Variants in PLEKHA8 observed in about 807,000 individuals in gnomAD.
PLEKHA8 encodes pleckstrin homology domain containing A8.
In PLEKHA8, 36 loss-of-function variants were observed where a neutral mutation model predicts 68.2. The ratio of observed to expected loss-of-function variants is 0.53; its 90% confidence interval spans 0.40 to 0.70. The LOEUF is 0.70. PLEKHA8 is among the 30% of genes least tolerant of loss of function. The pLI is 0.00. For missense variants in PLEKHA8, 505 were observed against 615.4 expected, an observed-to-expected ratio of 0.82 and a Z score of 1.90; for synonymous variants, 211 against 216.1, an observed-to-expected ratio of 0.98 and a Z score of 0.20.
At chr7:30,097,034 T>C (rs1254034777) in intron 13 of PLEKHA8, among the ~76,000 whole-genome samples, 2 of 152,304 alleles carry the variant, frequency 1.3e-5, no homozygotes, top group African/African-American at 4.8e-5. Context: ...GGTGACAAAA[T>C]CTCTCAGCAT....
intron 13 of PLEKHA8, among the ~76,000 whole-genome samples, chr7:30,111,249 C>G (rs941597949): frequency 6.6e-6 from 1 of 151,774 alleles, no homozygotes; most frequent in East Asian, 1.9e-4. Flanking sequence ...GATGCAAGTC[C>G]CTCTTCATGT....
intron 13 of PLEKHA8, 116 bp downstream of exon 13, chr7:30,074,248 G>A (rs1794464099): frequency 2.4e-5 from 11 of 463,988 alleles, no homozygotes; most frequent in Non-Finnish European, 3.8e-5. Context: ...AAACAAAGTT[G>A]TGTGTGTGTG....
intron 2 of PLEKHA8, among the ~76,000 whole-genome samples, 178 bp downstream of exon 2, chr7:30,045,379 A>T (rs1583794685): frequency 6.6e-6 from 1 of 152,338 alleles, no homozygotes. Context: ...GCCAGCTTTT[A>T]TGAGGAGATT....
intron 12 of PLEKHA8, among the ~76,000 whole-genome samples, chr7:30,063,862 G>A (rs1342397643): frequency 6.6e-6 from 1 of 152,186 alleles, no homozygotes; most frequent in Non-Finnish European, 1.5e-5. Context: ...TGCTTTGAAG[G>A]TCCACATTTC....
In PLEKHA8 at chr7:30,081,229, C is replaced by T. The variant is rs1794915074; in HGVS notation, c.*2442C>T. The T allele has an allele frequency of 1.0e-6, 1 of 985,312 alleles. No individual in the cohort carries two copies. Among genetic ancestry groups the T allele is most frequent in the Non-Finnish European group, 1.2e-6 (1 of 829,864 alleles). 61.0% of individuals were successfully genotyped at this position (985,312 alleles called of 1,614,324 possible). A position where few individuals can be genotyped will look rare whatever the true frequency, so the allele number is the denominator to read the frequency against. ...ACATTTTCCAATTACCCTTTTTCCA[C>T]ATCTGTAGAAAGAGGGTAATATTTT... is the stretch of plus-strand genomic sequence containing the variant. On this transcript the variant is annotated 3_prime_UTR_variant, in exon 14 of 14. Transcript: ENST00000449726.
Position 30,078,877 on chromosome 7 carries a change from C to T in PLEKHA8, c.*90C>T, listed in dbSNP as rs974866173. 7 of 1,485,736 alleles carry T rather than the reference C, an allele frequency of 4.7e-6. No individual in the cohort carries two copies. The highest frequency in any genetic ancestry group is 6.3e-6 in the Non-Finnish European group (7 of 1,118,772). 92.0% of individuals were successfully genotyped at this position (1,485,736 alleles called of 1,614,324 possible). On this transcript the variant is annotated 3_prime_UTR_variant, in exon 14 of 14. Transcript: ENST00000449726. Reference sequence around the variant, plus strand: ...AATTTCCAGCAACAGCCTCAACCCTCTCCAACCCCTTCACCTGGGGGGATG... The same window carrying T: ...AATTTCCAGCAACAGCCTCAACCCTTTCCAACCCCTTCACCTGGGGGGATG...
intron 13 of PLEKHA8, among the ~76,000 whole-genome samples, chr7:30,121,219 G>A (rs1420309805): frequency 1.3e-5 from 2 of 152,146 alleles, no homozygotes; most frequent in Non-Finnish European, 2.9e-5. Context: ...TCCATGGGAG[G>A]TTGGTCAGAA....
At position 30,084,004 on chromosome 7, in the gene PLEKHA8, G is replaced by C; in HGVS notation, c.*5217G>C. On this transcript the variant is annotated 3_prime_UTR_variant, in exon 14 of 14. Coordinates refer to ENST00000449726, the MANE Select transcript of PLEKHA8 (RefSeq NM_001197026.2). Reference sequence around the variant, plus strand: ...AGGCTATGAGCCAGTTCCATGGCATGTTTAATGTATAATTCCCATGTATCA... The same window carrying C: ...AGGCTATGAGCCAGTTCCATGGCATCTTTAATGTATAATTCCCATGTATCA... 2.0e-6 allele frequency: 2 copies of C among 985,418 alleles called. No individual in the cohort carries two copies. The highest frequency in any genetic ancestry group is 4.7e-5 in the South Asian group (1 of 21,292). The allele number at this position is 985,418 out of a possible 1,614,324, so 61.0% of individuals were successfully genotyped here.
At chr7:30,091,829 A>G (rs993966754), downstream of PLEKHA8, among the ~76,000 whole-genome samples, 11 of 152,208 alleles carry the variant, frequency 7.2e-5, no homozygotes, top group South Asian at 2.1e-4. Context: ...TGAAATGTCA[A>G]TCCTTTCTCT....
chr7:30,056,160 G>A (rs557832239), intron 9 of PLEKHA8, among the ~76,000 whole-genome samples: 19 of 150,422 alleles, frequency 1.3e-4, no homozygotes, highest in Admixed American at 3.3e-4. Context: ...TGCCAGGATA[G>A]TCTTGATCTC....
At chr7:30,086,667 C>CT (rs1343579149), downstream of PLEKHA8, among the ~76,000 whole-genome samples, 3 of 152,200 alleles carry the variant, frequency 2.0e-5, no homozygotes, top group Non-Finnish European at 2.9e-5. Flanking sequence ...TACCATCACT[C>CT]TATGATAACC....
downstream of PLEKHA8, among the ~76,000 whole-genome samples, chr7:30,085,712 G>C (rs1261169809): frequency 6.6e-6 from 1 of 152,206 alleles, no homozygotes; most frequent in Non-Finnish European, 1.5e-5. Flanking sequence ...AAGTCCGTTA[G>C]AATTGAGAGT....
rs542183011 is a variant in PLEKHA8, at chr7:30,080,570, T to G, written c.*1783T>G. 2.0e-6 allele frequency: 2 copies of G among 985,394 alleles called. No homozygotes were observed. The highest frequency in any genetic ancestry group is 3.5e-5 in the African/African-American group (2 of 57,338). The allele number at this position is 985,394 out of a possible 1,614,324, so 61.0% of individuals were successfully genotyped here. A position where few individuals can be genotyped will look rare whatever the true frequency, so the allele number is the denominator to read the frequency against. Reference sequence around the variant, plus strand: ...TGTCTTTAAACAAATGAACATTTATTTAGCTCAGATTAATTAGGTATTTTG... The same window carrying G: ...TGTCTTTAAACAAATGAACATTTATGTAGCTCAGATTAATTAGGTATTTTG... On this transcript the variant is annotated 3_prime_UTR_variant, in exon 14 of 14. Transcript: ENST00000449726.
At chr7:30,104,874 C>T (rs1796003241) in intron 13 of PLEKHA8, among the ~76,000 whole-genome samples, 1 of 151,824 alleles carries the variant, frequency 6.6e-6, no homozygotes, top group Non-Finnish European at 1.5e-5. Flanking sequence ...AGGTACATGC[C>T]ACCACACCCA....
intron 9 of PLEKHA8, among the ~76,000 whole-genome samples, chr7:30,055,554 CA>C (rs1792778454): frequency 6.6e-6 from 1 of 152,024 alleles, no homozygotes; most frequent in Admixed American, 6.5e-5. Context: ...ATATTGACCT[CA>C]AAATAATGTA....
At position 30,115,993 on chromosome 7, in the gene PLEKHA8, C is replaced by T. The variant is rs997497173; in HGVS notation, c.1363-13273C>T. The T allele has an allele frequency of 3.0e-5, 4 of 133,948 alleles. 1 individual carries two copies. The South Asian group carries it at 7.9e-4, about 26-fold the overall frequency. The allele number at this position is 133,948 out of a possible 1,614,324, so 8.3% of individuals were successfully genotyped here. The stretch of plus-strand genomic sequence containing the variant: ...ATGTGCATGCATGCATGTATGCATA[C>T]GCATACATACGCATACATACGCATA... On this transcript the variant is annotated intron_variant, in intron 13 of 13. Transcript: ENST00000396257.
At chr7:30,127,899 T>C (rs1441780523) in intron 13 of PLEKHA8, among the ~76,000 whole-genome samples, 1 of 152,226 alleles carries the variant, frequency 6.6e-6, no homozygotes, top group Non-Finnish European at 1.5e-5. Flanking sequence ...GGTTCCCTTA[T>C]GAGTTAATTA....
Position 30,080,713 on chromosome 7 carries a change from G to C in PLEKHA8, c.*1926G>C. 4.1e-6 allele frequency: 4 copies of C among 983,382 alleles called. No individual in the cohort carries two copies. Among genetic ancestry groups the C allele is most frequent in the Non-Finnish European group, 4.8e-6 (4 of 828,206 alleles). 60.9% of individuals were successfully genotyped at this position (983,382 alleles called of 1,614,324 possible). A position where few individuals can be genotyped will look rare whatever the true frequency, so the allele number is the denominator to read the frequency against. Reference sequence around the variant, plus strand: ...TGTTGATTATTTTGTATTTTGCCAAGGTGTGTGTGTGTTATTTCCCTCCCA... The same window carrying C: ...TGTTGATTATTTTGTATTTTGCCAACGTGTGTGTGTGTTATTTCCCTCCCA... On this transcript the variant is annotated 3_prime_UTR_variant, in exon 14 of 14. Coordinates refer to ENST00000449726, the MANE Select transcript of PLEKHA8 (RefSeq NM_001197026.2).
At chr7:30,037,518 G>T (rs1003006421) in intron 1 of PLEKHA8, among the ~76,000 whole-genome samples, 1 of 152,126 alleles carries the variant, frequency 6.6e-6, no homozygotes, top group Non-Finnish European at 1.5e-5. Context: ...TTTGAAAGCT[G>T]AGAGAGACTT....
Sources: allele counts gnomAD v4.1 joint callset (sites outside exome capture counted in the v4.1 genomes callset), GRCh38; gene constraint gnomAD v4.1.1; transcripts MANE v1.5; gene names NCBI Gene and HGNC (gene_info 2026-07-23, HGNC 2026-07-21).